FRYL: variants seen among roughly 807,000 people sequenced by gnomAD.
FRYL encodes protein furry homolog-like.
In FRYL, 150 loss-of-function variants were observed where a neutral mutation model predicts 351.2. That is an observed-to-expected ratio of 0.43 (90% CI 0.37 to 0.49). FRYL has a LOEUF of 0.49. Ranked by LOEUF, FRYL falls within the 20% of genes least tolerant of loss-of-function variation. The pLI is 0.00. For synonymous variants in FRYL, 1,153 were observed against 1,257.1 expected (o/e 0.92, Z 1.75); for missense variants, 3,036 against 3,619.3 (o/e 0.84, Z 4.13).
At chr4:48,534,162 G>C (rs1220410413) in intron 49 of FRYL, among the ~76,000 whole-genome samples, 2 of 152,176 alleles carry the variant, frequency 1.3e-5, no homozygotes, top group Admixed American at 1.3e-4. Flanking sequence ...GGAGGCAGAG[G>C]CTGCAGTGAG....
At chr4:48,728,730 T>C (rs771905989) in intron 1 of FRYL, among the ~76,000 whole-genome samples, 16 of 152,052 alleles carry the variant, frequency 1.1e-4, no homozygotes, top group Non-Finnish European at 4.4e-5. Flanking sequence ...CCAGAAACCA[T>C]GAAAGTAAGA....
At chr4:48,545,981 A>G in intron 42 of FRYL, 86 bp downstream of exon 42, 1 of 1,247,406 alleles carries the variant, frequency 8.0e-7, no homozygotes, top group Admixed American at 2.1e-5. Flanking sequence ...TATTTCAGAC[A>G]ACAAAAATAT....
At chr4:48,536,809 C>A (rs1728992975) in intron 47 of FRYL, among the ~76,000 whole-genome samples, 1 of 152,166 alleles carries the variant, frequency 6.6e-6, no homozygotes, top group Admixed American at 6.5e-5. Flanking sequence ...ATATATACAT[C>A]TTCAACTTTC....
intron 3 of FRYL, among the ~76,000 whole-genome samples, chr4:48,650,687 T>C (rs1757435966): frequency 6.6e-6 from 1 of 152,036 alleles, no homozygotes; most frequent in Admixed American, 6.6e-5. Context: ...ATGAAAGGCC[T>C]CCTCCTACAG....
Position 48,549,463 on chromosome 4 carries a change from T to C in FRYL, c.4784+10A>G, listed in dbSNP as rs1399558932. 6.2e-7 allele frequency: 1 copy of C among 1,604,214 alleles called. No homozygotes were observed. Among genetic ancestry groups the C allele is most frequent in the East Asian group, 2.2e-5 (1 of 44,618 alleles). ...GGTGCATATGTAAAAGGAATGACGC[T>C]GTAGTCCACCTGTGAAGAGGTAATC... On this transcript the variant is annotated intron_variant, in intron 39 of 63. Coordinates refer to ENST00000358350, the MANE Select transcript of FRYL (RefSeq NM_015030.2). This position sits in a 1 kb window ranked among gnomAD's most constrained non-coding sequence, Gnocchi z 4.2.
intron 1 of FRYL, among the ~76,000 whole-genome samples, chr4:48,744,319 G>C (rs1422789295): frequency 6.6e-6 from 1 of 151,936 alleles, no homozygotes; most frequent in African/African-American, 2.4e-5. Flanking sequence ...GCTTAATAAA[G>C]CTATTATATA....
intron 59 of FRYL, among the ~76,000 whole-genome samples, chr4:48,508,078 C>CTATT (rs888199260): frequency 6.6e-6 from 1 of 152,192 alleles, no homozygotes; most frequent in African/African-American, 2.4e-5. Flanking sequence ...GTCTTTGTAA[C>CTATT]TATTTAATTG....
intron 1 of FRYL, among the ~76,000 whole-genome samples, chr4:48,732,002 G>T (rs1204404281): frequency 6.6e-6 from 1 of 152,134 alleles, no homozygotes; most frequent in Non-Finnish European, 1.5e-5. Context: ...TACAGAATGG[G>T]AGAAAATTTT....
chr4:48,648,661 T>C (rs909753182), intron 3 of FRYL, among the ~76,000 whole-genome samples: 1 of 152,208 alleles, frequency 6.6e-6, no homozygotes, highest in Admixed American at 6.6e-5. Context: ...AATTGAAGAA[T>C]GGATAAACAA....
rs373573217 is a variant in FRYL at position 48,579,022 on chromosome 4, T to C, written c.2479A>G (p.Met827Val). ...HCSTAVSYAW[M>V]FAYTRLQLLS... is the part of the protein sequence containing the mutation. ...AACTGAAGTCTTGTGTATGCAAACA[T>C]CCAAGCATAGCTCACAGCTGTAGAG... Residue 827 changes from methionine to valine, a missense_variant, in exon 23 of 64, where the codon ATG (methionine) becomes GTG (valine). By Grantham distance (21) the Met-to-Val change is conservative. Transcript: ENST00000358350. The C allele has an allele frequency of 6.2e-7, 1 of 1,613,750 alleles. No homozygotes were observed. Among genetic ancestry groups the C allele is most frequent in the Non-Finnish European group, 8.5e-7 (1 of 1,179,864 alleles).
chr4:48,589,914 A>C, intron 17 of FRYL, 37 bp from the exon 18 acceptor site: 1 of 1,521,360 alleles, frequency 6.6e-7, no homozygotes, highest in Non-Finnish European at 9.1e-7. Context: ...AAATATCTGA[A>C]ATTAGATAAA....
At position 48,549,654 on chromosome 4, in the gene FRYL, A is replaced by G; in HGVS notation, c.4634-31T>C. On this transcript the variant is annotated intron_variant, in intron 38 of 63. Coordinates refer to ENST00000358350, the MANE Select transcript of FRYL (RefSeq NM_015030.2). This position sits in a 1 kb window ranked among gnomAD's most constrained non-coding sequence, Gnocchi z 4.2. ...AAGATAAAATGATCTCATTTTCTAC[A>G]CCATCTAATTTCTGCCAATATAAGC... The G allele has an allele frequency of 6.3e-7, 1 of 1,577,380 alleles. No homozygotes were observed. The highest frequency in any genetic ancestry group is 8.7e-7 in the Non-Finnish European group (1 of 1,152,364).
chr4:48,502,861 A>G lies in FRYL; in HGVS notation c.8464-16T>C. ...TTTCCATTTGCTAAGCAAGAAGGTG[A>G]TCAGGTCACAAAAAATACAAAGGAA... On this transcript the variant is annotated splice_polypyrimidine_tract_variant and intron_variant, in intron 60 of 63. Coordinates refer to ENST00000358350, the MANE Select transcript of FRYL (RefSeq NM_015030.2). 1 of 1,606,320 alleles carries G rather than the reference A, an allele frequency of 6.2e-7. No individual in the cohort carries two copies. The highest frequency in any genetic ancestry group is 8.5e-7 in the Non-Finnish European group (1 of 1,174,608).
intron 7 of FRYL, 75 bp from the exon 8 acceptor site, chr4:48,609,898 T>A (rs557587884): frequency 7.6e-6 from 5 of 658,414 alleles, no homozygotes; most frequent in African/African-American, 7.5e-5. Context: ...ATTCAACTAA[T>A]TAAATCAATA....
At chr4:48,761,936 C>T (rs185156587) in intron 1 of FRYL, among the ~76,000 whole-genome samples, 49 of 152,208 alleles carry the variant, frequency 3.2e-4, no homozygotes, top group African/African-American at 1.2e-3. Context: ...ACATCTCTAC[C>T]CAAAGTGATG....
rs1438366933 is a variant in FRYL, at chr4:48,540,803, C to T, written c.5845G>A (p.Asp1949Asn). ...CTCCGCCGCCGGTCACCTCGTCGGT[C>T]ACCAATCAAACTTAATCTCAAAGAG... ...SNSLRLSLIG[D>N]RRGDRRRSNT... The change falls in exon 46 of 64, where the codon GAC (aspartate) becomes AAC (asparagine). Residue 1949 changes from aspartate (D) to asparagine (N), a missense_variant. By Grantham distance (23) the Asp-to-Asn change is conservative (BLOSUM62 1). Around this residue, in one of 7 missense-constraint regions of FRYL, gnomAD observed 1,987 missense variants for 2,311.7 expected, o/e 0.86. Transcript: ENST00000358350. The T allele has an allele frequency of 1.2e-6, 2 of 1,613,818 alleles. No individual in the cohort carries two copies. Among genetic ancestry groups the T allele is most frequent in the Non-Finnish European group, 1.7e-6 (2 of 1,179,916 alleles).
chr4:48,712,813 T>A (rs1457703586), intron 1 of FRYL, among the ~76,000 whole-genome samples: 1 of 152,140 alleles, frequency 6.6e-6, no homozygotes, highest in Non-Finnish European at 1.5e-5. Context: ...GAAAAAATGT[T>A]AAGGGCAGCC....
intron 1 of FRYL, among the ~76,000 whole-genome samples, chr4:48,733,139 G>A (rs1255098213): frequency 6.6e-6 from 1 of 151,862 alleles, no homozygotes; most frequent in Non-Finnish European, 1.5e-5. Context: ...GCTGGGCTTG[G>A]TGGTAGGCGC....
At chr4:48,572,655 T>A (rs1738605230) in intron 26 of FRYL, among the ~76,000 whole-genome samples, 3 of 152,186 alleles carry the variant, frequency 2.0e-5, no homozygotes, top group African/African-American at 7.2e-5. Context: ...CGTAATAAAT[T>A]GTTAGAATTA....
Sources: allele counts gnomAD v4.1 joint callset (sites outside exome capture counted in the v4.1 genomes callset), GRCh38; gene constraint gnomAD v4.1.1; regional missense constraint gnomAD v4.1.1; non-coding constraint Gnocchi (gnomAD v3.1); transcripts MANE v1.5; gene names NCBI Gene and HGNC (gene_info 2026-07-23, HGNC 2026-07-21).